CDH18: variants seen among roughly 807,000 people sequenced by gnomAD.
CDH18 encodes the protein cadherin-18.
A neutral mutation model predicts 67.9 loss-of-function variants in CDH18; 31 were observed. The observed-to-expected ratio is 0.46, with a 90% CI of 0.34 to 0.62. CDH18 has a LOEUF of 0.62. CDH18 is among the 20% of genes least tolerant of loss of function. CDH18 has a pLI of 0.01. For missense variants in CDH18, 890 were observed against 975.5 expected (o/e 0.91, Z 1.17); for synonymous variants, 362 against 347.2 (o/e 1.04, Z -0.48).
chr5:19,846,383 T>C (rs1782952171), intron 2 of CDH18, among the ~76,000 whole-genome samples: 1 of 152,140 alleles, frequency 6.6e-6, no homozygotes, highest in Non-Finnish European at 1.5e-5. Flanking sequence ...ATTTTTATAC[T>C]TTTGTCTTTT....
chr5:20,573,350 G>GT (rs750074385), intron 1 of CDH18, among the ~76,000 whole-genome samples: 126 of 150,448 alleles, frequency 8.4e-4, no homozygotes, highest in Non-Finnish European at 1.4e-3. Context: ...TTAGAATTAC[G>GT]TTTTTTTTTA....
intron 2 of CDH18, among the ~76,000 whole-genome samples, chr5:20,022,223 CTGT>C (rs1738489745): frequency 6.6e-6 from 1 of 152,180 alleles, no homozygotes; most frequent in East Asian, 1.9e-4. Flanking sequence ...TGCCATTTCT[CTGT>C]TGTTGTACTA....
intron 2 of CDH18, among the ~76,000 whole-genome samples, chr5:19,877,007 A>C (rs1054643393): frequency 2.0e-5 from 3 of 152,108 alleles, no homozygotes; most frequent in Non-Finnish European, 2.9e-5. Context: ...GAAAAAATTG[A>C]GGCCTTCGAA....
chr5:20,005,438 ACACACACAC>A (rs1736817529), intron 2 of CDH18, among the ~76,000 whole-genome samples: 1 of 151,670 alleles, frequency 6.6e-6, no homozygotes, highest in Non-Finnish European at 1.5e-5. Flanking sequence ...ACACACACAC[ACACACACAC>A]ACTTTCCATG....
chr5:20,458,272 T>A (rs950494627), intron 1 of CDH18, among the ~76,000 whole-genome samples: 3 of 152,064 alleles, frequency 2.0e-5, no homozygotes, highest in Non-Finnish European at 4.4e-5. Flanking sequence ...TTTGTTTGTT[T>A]TGTAATAAGA....
At chr5:19,711,387 C>G (rs75093829) in intron 5 of CDH18, among the ~76,000 whole-genome samples, 1 of 151,454 alleles carries the variant, frequency 6.6e-6, no homozygotes, top group Non-Finnish European at 1.5e-5. Flanking sequence ...ATGCATACAA[C>G]TCATAAACTA....
At chr5:20,388,404 G>A (rs1441091359) in intron 1 of CDH18, among the ~76,000 whole-genome samples, 7 of 149,776 alleles carry the variant, frequency 4.7e-5, no homozygotes, top group Admixed American at 1.3e-4. Flanking sequence ...CTATGGGATC[G>A]GTGGTGATAT....
chr5:20,550,450 A>G (rs1158549758), intron 1 of CDH18, among the ~76,000 whole-genome samples: 1 of 152,196 alleles, frequency 6.6e-6, no homozygotes, highest in Non-Finnish European at 1.5e-5. Flanking sequence ...AGATTTTTTA[A>G]AGTAATAATA....
chr5:20,383,924 C>G (rs1744106748), intron 1 of CDH18, among the ~76,000 whole-genome samples: 2 of 151,630 alleles, frequency 1.3e-5, no homozygotes, highest in Non-Finnish European at 2.9e-5. Flanking sequence ...AATATCACAA[C>G]CAGACAAGAA....
chr5:20,402,137 G>T lies in CDH18; in HGVS notation c.-579-146632C>A, dbSNP rs189256162. On this transcript the variant is annotated intron_variant, in intron 1 of 14. Coordinates refer to the CDH18 transcript ENST00000507958. ...GATTTTTTTCCCTCATCTCTTTTGT[G>T]CAGGCTCTTTTTCAACGTTCAGCTC... Among the ~76,000 whole-genome samples, 437 of 151,830 alleles carry T rather than the reference G, an allele frequency of 2.9e-3. 6 individuals carry two copies. Among genetic ancestry groups the T allele is most frequent in the Non-Finnish European group, 2.0e-3 (135 of 67,948 alleles).
intron 1 of CDH18, chr5:20,304,685 C>G: frequency 6.2e-7 from 1 of 1,611,678 alleles, no homozygotes. Context: ...GTTTTCTTTT[C>G]AGATGTCAGC....
intron 3 of CDH18, among the ~76,000 whole-genome samples, chr5:19,800,917 G>A (rs777253915): frequency 6.6e-6 from 1 of 152,094 alleles, no homozygotes; most frequent in African/African-American, 2.4e-5. Flanking sequence ...TCGGGAGTCC[G>A]CGACCAGCCT....
intron 1 of CDH18, among the ~76,000 whole-genome samples, chr5:20,302,372 C>G (rs1283704841): frequency 6.6e-6 from 1 of 152,118 alleles, no homozygotes; most frequent in Non-Finnish European, 1.5e-5. Flanking sequence ...CAACAAAACC[C>G]CACGTGCATT....
intron 3 of CDH18, among the ~76,000 whole-genome samples, chr5:19,826,577 C>T (rs979258675): frequency 6.6e-6 from 1 of 152,158 alleles, no homozygotes; most frequent in Non-Finnish European, 1.5e-5. Flanking sequence ...CTATATTTAG[C>T]ATTCTTAAAG....
intron 1 of CDH18, among the ~76,000 whole-genome samples, chr5:20,450,579 TC>T (rs1385825558): frequency 1.3e-5 from 2 of 151,970 alleles, no homozygotes; most frequent in African/African-American, 4.8e-5. Context: ...CACACACGCA[TC>T]CCCACACCAC....
intron 1 of CDH18, among the ~76,000 whole-genome samples, chr5:20,370,078 C>G (rs575070533): frequency 1.4e-3 from 212 of 152,064 alleles, no homozygotes; most frequent in Non-Finnish European, 2.3e-3. Context: ...TCAAAGTTTC[C>G]TTTAGTAATT....
intron 1 of CDH18, among the ~76,000 whole-genome samples, chr5:20,262,419 T>C (rs953678877): frequency 6.6e-6 from 1 of 152,224 alleles, no homozygotes; most frequent in Non-Finnish European, 1.5e-5. Flanking sequence ...TCTATAAAAT[T>C]ATTCATTAAA....
At chr5:19,543,523 C>T (rs576686720) in intron 9 of CDH18, among the ~76,000 whole-genome samples, 4 of 152,188 alleles carry the variant, frequency 2.6e-5, no homozygotes, top group African/African-American at 9.6e-5. Context: ...TAAACTATCA[C>T]ACATATCAAG....
intron 2 of CDH18, among the ~76,000 whole-genome samples, chr5:20,207,371 G>A (rs992760831): frequency 7.9e-5 from 12 of 151,838 alleles, no homozygotes; most frequent in Non-Finnish European, 4.4e-5. Flanking sequence ...TCATGGACAG[G>A]AAAATTAATA....
Sources: allele counts gnomAD v4.1 joint callset (sites outside exome capture counted in the v4.1 genomes callset), GRCh38; gene constraint gnomAD v4.1.1; transcripts MANE v1.5; gene names NCBI Gene and HGNC (gene_info 2026-07-23, HGNC 2026-07-21).